The following NEK10 variants were observed in gnomAD, a reference collection of about 807,000 sequenced individuals.
The protein encoded by NEK10 is serine/threonine-protein kinase Nek10.
NEK10 carries 122 observed loss-of-function variants against 159.8 expected under a neutral mutation model. That is an observed-to-expected ratio of 0.76 (90% CI 0.66 to 0.89). The LOEUF is 0.89. Ranked by LOEUF, NEK10 falls within the 40% of genes least tolerant of loss-of-function variation. The probability of loss-of-function intolerance (pLI) is 0.00; values close to 1 mark genes in which losing one functional copy is unlikely to be tolerated. For synonymous variants in NEK10, 466 were observed against 457.1 expected, an observed-to-expected ratio of 1.02 and a Z score of -0.25; for missense variants, 1,342 against 1,323.1, an observed-to-expected ratio of 1.01 and a Z score of -0.22.
At chr3:27,309,105 G>T in intron 9 of NEK10, 100 bp from the exon 10 acceptor site, 6 of 577,276 alleles carry the variant, frequency 1.0e-5, no homozygotes, top group Admixed American at 2.9e-5. Context: ...CTGCTTGAAT[G>T]ACAAAATGCT....
chr3:27,159,780 G>C (rs1945834278), intron 30 of NEK10, among the ~76,000 whole-genome samples: 1 of 151,822 alleles, frequency 6.6e-6, no homozygotes, highest in South Asian at 2.1e-4. Context: ...AGGTACTGCT[G>C]TTATTACCAT....
intron 1 of NEK10, among the ~76,000 whole-genome samples, chr3:27,354,108 T>C (rs994557127): frequency 6.6e-6 from 1 of 152,168 alleles, no homozygotes; most frequent in Admixed American, 6.5e-5. Context: ...ATACTCTACA[T>C]AGCCACACTG....
chr3:27,268,509 A>C (rs887985564), intron 22 of NEK10, among the ~76,000 whole-genome samples: 16 of 152,324 alleles, frequency 1.1e-4, no homozygotes, highest in African/African-American at 3.6e-4. Context: ...ATGTTGCTAC[A>C]TATACTCTGC....
In NEK10 at chr3:27,315,979, A is replaced by T. The variant is rs150593239; in HGVS notation, c.448-1641T>A. On this transcript the variant is annotated intron_variant, in intron 6 of 35. Transcript: ENST00000691995. ...GAATAGGAGGCTCAAAGGTGAATAG[A>T]AATTGTGCAGACAAAACATCAAGAC... Among the ~76,000 whole-genome samples the T allele has an allele frequency of 2.6e-4, 39 of 152,340 alleles. 1 individual carries two copies. The East Asian group carries it at 7.5e-3, about 29-fold the overall frequency.
At chr3:27,330,471 T>A (rs1575776113) in intron 5 of NEK10, among the ~76,000 whole-genome samples, 1 of 152,266 alleles carries the variant, frequency 6.6e-6, no homozygotes, top group East Asian at 1.9e-4. Flanking sequence ...ATCTATCAGA[T>A]AAGTGAAGGA....
chr3:27,206,742 T>C, intron 23 of NEK10: 1 of 404,018 alleles, frequency 2.5e-6, no homozygotes, highest in Non-Finnish European at 3.3e-6. Context: ...CTAAACAATT[T>C]GCCTATTTTA....
intron 23 of NEK10, among the ~76,000 whole-genome samples, chr3:27,232,889 C>G (rs909436419): frequency 6.6e-6 from 1 of 152,030 alleles, no homozygotes; most frequent in Non-Finnish European, 1.5e-5. Context: ...ATCCCCATCT[C>G]TCACCTTAAA....
chr3:27,173,944 C>T (rs1309562421), intron 28 of NEK10, among the ~76,000 whole-genome samples: 2 of 152,026 alleles, frequency 1.3e-5, no homozygotes, highest in Non-Finnish European at 2.9e-5. Context: ...TCAAGATTAA[C>T]ATTATGGACG....
chr3:27,210,754 T>C (rs1039198042), intron 23 of NEK10, among the ~76,000 whole-genome samples: 26 of 152,224 alleles, frequency 1.7e-4, no homozygotes, highest in African/African-American at 6.0e-4. Flanking sequence ...TTTTATAGAC[T>C]CAAATTATCA....
chr3:27,107,922 T>C lies in NEK10; in HGVS notation c.*3350A>G, dbSNP rs1322227902. On this transcript the variant is annotated 3_prime_UTR_variant, in exon 36 of 36. Transcript: ENST00000691995. ...AAAAAAAGAGAAAAATAGCAATACATACATGCTATAATACATCAAATCAAA... is the reference window on the plus strand; with the variant it reads ...AAAAAAAGAGAAAAATAGCAATACACACATGCTATAATACATCAAATCAAA... Among the ~76,000 whole-genome samples, 1 of 152,208 alleles carries C rather than the reference T, an allele frequency of 6.6e-6. No homozygotes were observed. The highest frequency in any genetic ancestry group is 1.5e-5 in the Non-Finnish European group (1 of 68,036).
At chr3:27,242,592 A>G (rs1373771) in intron 23 of NEK10, among the ~76,000 whole-genome samples, 39,279 of 152,116 alleles carry the variant, frequency 0.26, 5,231 homozygotes, top group Middle Eastern at 0.38. Flanking sequence ...ACAGCCACAC[A>G]TCACAGTTGC....
intron 22 of NEK10, chr3:27,278,941 T>A: frequency 1.0e-6 from 1 of 984,210 alleles, no homozygotes; most frequent in Non-Finnish European, 1.2e-6. Flanking sequence ...CCTTGGATGG[T>A]TTCAAAGGCT....
intron 23 of NEK10, among the ~76,000 whole-genome samples, chr3:27,229,000 G>A (rs951631339): frequency 7.2e-5 from 11 of 152,092 alleles, no homozygotes; most frequent in Non-Finnish European, 2.9e-5. Flanking sequence ...ACCTGACCTA[G>A]CTACAACTGG....
At chr3:27,312,582 TGAC>T (rs2044789944) in intron 7 of NEK10, among the ~76,000 whole-genome samples, 1 of 151,932 alleles carries the variant, frequency 6.6e-6, no homozygotes, top group African/African-American at 2.4e-5. Flanking sequence ...TATATTTTAC[TGAC>T]GTATATAAGC....
chr3:27,262,330 G>C (rs1364734852), intron 22 of NEK10, among the ~76,000 whole-genome samples: 1 of 152,066 alleles, frequency 6.6e-6, no homozygotes, highest in East Asian at 1.9e-4. Context: ...TCTTCTCAAG[G>C]AGTATCTTTG....
intron 33 of NEK10, among the ~76,000 whole-genome samples, chr3:27,119,127 A>G (rs1208302515): frequency 6.6e-6 from 1 of 152,248 alleles, no homozygotes; most frequent in Non-Finnish European, 1.5e-5. Context: ...ATAGACAGGC[A>G]GTTTTTATTT....
chr3:27,128,430 G>A (rs974848176), intron 32 of NEK10, among the ~76,000 whole-genome samples: 1 of 152,068 alleles, frequency 6.6e-6, no homozygotes, highest in African/African-American at 2.4e-5. Flanking sequence ...AACAGGGACT[G>A]CAAAACAGGA....
At position 27,337,900 on chromosome 3, in the gene NEK10, G is replaced by A. The variant is rs568538723; in HGVS notation, c.362+6372C>T. On this transcript the variant is annotated intron_variant, in intron 5 of 35. Coordinates refer to ENST00000691995, the MANE Select transcript of NEK10 (RefSeq NM_001394966.1). ...TCCTATGAAACATAGGAAGGTGTAG[G>A]CAAAGATTTTTTTTTAGGGTTTTGA... Among the ~76,000 whole-genome samples the A allele has an allele frequency of 2.0e-5, 3 of 152,148 alleles. No homozygotes were observed. In the South Asian group the frequency reaches 6.2e-4, roughly 32 times the overall value.
chr3:27,286,844 A>C (rs1307170710), intron 20 of NEK10, among the ~76,000 whole-genome samples: 1 of 152,090 alleles, frequency 6.6e-6, no homozygotes, highest in Admixed American at 6.5e-5. Flanking sequence ...TTTTAATATC[A>C]AGAACAAATG....
Sources: allele counts gnomAD v4.1 joint callset (sites outside exome capture counted in the v4.1 genomes callset), GRCh38; gene constraint gnomAD v4.1.1; transcripts MANE v1.5; gene names NCBI Gene and HGNC (gene_info 2026-07-23, HGNC 2026-07-21).